The following MFAP5 variants were observed in gnomAD, a reference collection of about 807,000 sequenced individuals.
MFAP5 encodes the protein microfibril associated protein 5.
A neutral mutation model predicts 30.1 loss-of-function variants in MFAP5; 19 were observed. The ratio of observed to expected loss-of-function variants is 0.63; its 90% CI spans 0.44 to 0.93. The LOEUF (loss-of-function observed/expected upper bound fraction) is 0.93. Among genes scored for constraint, MFAP5 ranks in the 40% least tolerant of loss-of-function variants. The pLI, the probability that MFAP5 is intolerant of heterozygous loss-of-function variation, is 0.00. For missense variants in MFAP5, 210 were observed against 221.3 expected (o/e 0.95, Z 0.32); for synonymous variants, 92 against 72.9 (o/e 1.26, Z -1.33).
chr12:8,656,670 T>TATATA (rs1565526957), intron 3 of MFAP5, among the ~76,000 whole-genome samples: 1 of 111,524 alleles, frequency 9.0e-6, no homozygotes, highest in South Asian at 2.9e-4. Flanking sequence ...ATATATATAT[T>TATATA]TTTTTTTTTT....
In MFAP5 at chr12:8,651,666, A is replaced by T; in HGVS notation, c.243T>A (p.Thr81=). ...DLASLSEKNT[T]AECWDEKFTC... ...GCATGCAAGCAACAATCATACCTGC[A>T]GTGGTATTTTTTTCACTGAGGGAGG... Residue 81 remains threonine, a synonymous_variant, in exon 7 of 10, where the codon ACT becomes ACA. Transcript: ENST00000359478. The T allele has an allele frequency of 1.2e-6, 2 of 1,614,022 alleles. No homozygotes were observed. Among genetic ancestry groups the T allele is most frequent in the South Asian group, 2.2e-5 (2 of 91,080 alleles).
At chr12:8,649,216 A>G (rs1004460832) in intron 9 of MFAP5, among the ~76,000 whole-genome samples, 1 of 152,122 alleles carries the variant, frequency 6.6e-6, no homozygotes, top group Non-Finnish European at 1.5e-5. Flanking sequence ...TGATCTTTAA[A>G]ATAGCCAGAG....
intron 6 of MFAP5, among the ~76,000 whole-genome samples, chr12:8,652,444 CAAAA>C (rs900457384): frequency 2.4e-5 from 2 of 83,822 alleles, no homozygotes; most frequent in African/African-American, 8.8e-5. Flanking sequence ...GACTCCATCT[CAAAA>C]TAAATAAATA....
At chr12:8,656,619 C>A (rs1295980243) in intron 3 of MFAP5, among the ~76,000 whole-genome samples, 2 of 132,316 alleles carry the variant, frequency 1.5e-5, no homozygotes, top group Non-Finnish European at 3.1e-5. Flanking sequence ...CATATATATA[C>A]ACACATACAC....
In MFAP5 at chr12:8,650,482, G is replaced by A. The variant is rs981430295; in HGVS notation, c.335+20C>T. On this transcript the variant is annotated intron_variant, in intron 8 of 9. Coordinates refer to ENST00000359478, the MANE Select transcript of MFAP5 (RefSeq NM_003480.4). ...ACACTACCATGGAAGATGCTTTTTGGGCATTCTGGGATCCCTTACCTGGTG... is the reference window on the plus strand; with the variant it reads ...ACACTACCATGGAAGATGCTTTTTGAGCATTCTGGGATCCCTTACCTGGTG... 1.6e-5 allele frequency: 26 copies of A among 1,605,478 alleles called. No homozygotes were observed. Among genetic ancestry groups the A allele is most frequent in the Non-Finnish European group, 2.1e-5 (25 of 1,172,878 alleles).
chr12:8,659,392 A>G (rs866059973), intron 3 of MFAP5, among the ~76,000 whole-genome samples: 10 of 151,488 alleles, frequency 6.6e-5, no homozygotes, highest in South Asian at 2.1e-4. Flanking sequence ...TCCCACCTCA[A>G]CCTCCCAAAG....
chr12:8,652,164 G>T (rs1941855211), intron 6 of MFAP5, among the ~76,000 whole-genome samples: 1 of 152,158 alleles, frequency 6.6e-6, no homozygotes, highest in Non-Finnish European at 1.5e-5. Flanking sequence ...ATGAGGGTCA[G>T]CTGGGCACAA....
intron 3 of MFAP5, among the ~76,000 whole-genome samples, chr12:8,657,000 A>T (rs1942020735): frequency 6.6e-6 from 1 of 152,062 alleles, no homozygotes; most frequent in African/African-American, 2.4e-5. Context: ...TTGCTAAGAG[A>T]GTAAATTTCA....
At position 8,648,090 on chromosome 12, in the gene MFAP5, ATCACAGACCATTGGG is replaced by A. The variant is rs1327068180; in HGVS notation, c.508_522del (p.Pro170_Ter174delextTer8). The A allele has an allele frequency of 6.2e-7, 1 of 1,606,320 alleles. No homozygotes were observed. On this transcript the variant is annotated stop_lost and inframe_deletion, in exon 10 of 10. Transcript: ENST00000359478. Reference sequence around the variant, plus strand: ...TTTTCTTCTTTCCTCTTTTTCAATGATCACAGACCATTGGGTCTCTGCAAATCCACATTTTCACAG... The same window carrying A: ...TTTTCTTCTTTCCTCTTTTTCAATGATCTCTGCAAATCCACATTTTCACAG...
At position 8,648,159 on chromosome 12, in the gene MFAP5, G is replaced by A. The variant is rs765205871; in HGVS notation, c.454C>T (p.Arg152Cys). ...QMAGLPPRRLRRSNYFRLPPC... is the reference protein window; with the variant it reads ...QMAGLPPRRLCRSNYFRLPPC... ...GGAAGTCGGAAGTAATTGGAGCGACGGAGTCTCCTAGGGGGCAGACCAGCC... is the reference window on the plus strand; with the variant it reads ...GGAAGTCGGAAGTAATTGGAGCGACAGAGTCTCCTAGGGGGCAGACCAGCC... The change falls in exon 10 of 10, where the codon CGT (arginine) becomes TGT (cysteine). Residue 152 changes from arginine to cysteine, a missense_variant. Coordinates refer to ENST00000359478, the MANE Select transcript of MFAP5 (RefSeq NM_003480.4). 97 of 1,613,826 alleles carry A rather than the reference G, an allele frequency of 6.0e-5. 2 individuals carry two copies. In the South Asian group the frequency reaches 7.6e-4, roughly 13 times the overall value.
At position 8,651,525 on chromosome 12, in the gene MFAP5, T is replaced by C. The variant is rs914878356; in HGVS notation, c.247+137A>G. 7.0e-6 allele frequency: 6 copies of C among 852,952 alleles called. No individual in the cohort carries two copies. The African/African-American group carries it at 1.0e-4, about 15-fold the overall frequency. The allele number at this position is 852,952 out of a possible 1,614,324, so 52.8% of individuals were successfully genotyped here. On this transcript the variant is annotated intron_variant, in intron 7 of 9. Transcript: ENST00000359478. ...TTTTTTAAAAAAAAGAGTAAGGGAG[T>C]GAAGAACACTAATACTCTTTGAGAA...
At position 8,662,120 on chromosome 12, in the gene MFAP5, G is replaced by A. The variant is rs1392956004; in HGVS notation, c.-2-14C>T. 1 of 1,611,436 alleles carries A rather than the reference G, an allele frequency of 6.2e-7. No individual in the cohort carries two copies. The highest frequency in any genetic ancestry group is 8.5e-7 in the Non-Finnish European group (1 of 1,178,958). ...AGAGCGACATATCTATAGGGGTGGTGGGCATAGCAGAGAATGTGATGCTCA... is the reference window on the plus strand; with the variant it reads ...AGAGCGACATATCTATAGGGGTGGTAGGCATAGCAGAGAATGTGATGCTCA... On this transcript the variant is annotated splice_polypyrimidine_tract_variant and intron_variant, in intron 1 of 9. Transcript: ENST00000359478.
At chr12:8,654,014 C>A (rs34817631) in intron 6 of MFAP5, among the ~76,000 whole-genome samples, 1 of 151,626 alleles carries the variant, frequency 6.6e-6, no homozygotes, top group Admixed American at 6.6e-5. Context: ...TAATTCCAGC[C>A]ACTTGGGAGG....
intron 2 of MFAP5, 116 bp from the exon 3 acceptor site, chr12:8,661,014 T>C: frequency 1.3e-6 from 1 of 786,754 alleles, no homozygotes; most frequent in Non-Finnish European, 2.1e-6. Context: ...CTTTGTGACT[T>C]ATTCCTATAT....
intron 5 of MFAP5, 143 bp downstream of exon 5, chr12:8,655,272 T>C: frequency 2.4e-6 from 2 of 839,166 alleles, no homozygotes; most frequent in Non-Finnish European, 3.5e-6. Flanking sequence ...GGCAACAGAA[T>C]GAGACTCCCT....
At chr12:8,651,291 G>C (rs1187745260) in intron 7 of MFAP5, among the ~76,000 whole-genome samples, 1 of 152,154 alleles carries the variant, frequency 6.6e-6, no homozygotes, top group Non-Finnish European at 1.5e-5. Context: ...TTCAACCCTA[G>C]CTATATATCA....
chr12:8,660,685 A>G (rs1013464761), intron 3 of MFAP5, among the ~76,000 whole-genome samples, 178 bp downstream of exon 3: 1 of 152,128 alleles, frequency 6.6e-6, no homozygotes, highest in African/African-American at 2.4e-5. Flanking sequence ...GGATTGTGGA[A>G]ACTGGTGAAG....
intron 9 of MFAP5, 40 bp from the exon 10 acceptor site, chr12:8,648,243 A>G (rs780493386): frequency 1.3e-6 from 2 of 1,498,328 alleles, no homozygotes; most frequent in East Asian, 2.3e-5. Context: ...AGAATGCAGA[A>G]GATAACAAAG....
In MFAP5 at chr12:8,646,633, A is replaced by C. The variant is rs1044213420; in HGVS notation, c.*1458T>G. On this transcript the variant is annotated 3_prime_UTR_variant, in exon 10 of 10. Coordinates refer to ENST00000359478, the MANE Select transcript of MFAP5 (RefSeq NM_003480.4). The stretch of plus-strand genomic sequence containing the variant: ...AATCTTAGAACTAAGAATATATATA[A>C]TATATATATATATTTCTTAAGATGG... 1.3e-5 allele frequency: 2 copies of C among 150,062 alleles called. No homozygotes were observed. Among genetic ancestry groups the C allele is most frequent in the Non-Finnish European group, 3.0e-5 (2 of 67,552 alleles). The allele number at this position is 150,062 out of a possible 1,614,324, so 9.3% of individuals were successfully genotyped here.
Sources: allele counts gnomAD v4.1 joint callset (sites outside exome capture counted in the v4.1 genomes callset), GRCh38; gene constraint gnomAD v4.1.1; transcripts MANE v1.5; gene names NCBI Gene and HGNC (gene_info 2026-07-23, HGNC 2026-07-21).